CACNA2D3: variants seen among roughly 807,000 people sequenced by gnomAD.
CACNA2D3 encodes the protein calcium voltage-gated channel auxiliary subunit alpha2delta 3.
A neutral mutation model predicts 160.6 loss-of-function variants in CACNA2D3; 60 were observed. The observed-to-expected ratio is 0.37, with a 90% CI of 0.30 to 0.46. The LOEUF (loss-of-function observed/expected upper bound fraction) is 0.46, where lower values mean the gene tolerates loss of function less well. Ranked by LOEUF, CACNA2D3 falls within the 20% of genes least tolerant of loss-of-function variation. The probability of loss-of-function intolerance (pLI) is 1.00; values close to 1 mark genes in which losing one functional copy is unlikely to be tolerated. For missense variants in CACNA2D3, 1,205 were observed against 1,365.0 expected (o/e 0.88, Z 1.85); for synonymous variants, 558 against 492.9 (o/e 1.13, Z -1.75).
intron 2 of CACNA2D3, among the ~76,000 whole-genome samples, chr3:54,246,724 C>CAAAAAAAAAA (rs751213857): frequency 2.0e-4 from 30 of 147,810 alleles, no homozygotes; most frequent in African/African-American, 7.3e-4. Flanking sequence ...AACTCCATCT[C>CAAAAAAAAAA]AAAAAAACAA....
chr3:54,434,878 G>A (rs572948704), intron 4 of CACNA2D3, among the ~76,000 whole-genome samples: 1 of 152,214 alleles, frequency 6.6e-6, no homozygotes, highest in South Asian at 2.1e-4. Context: ...TGTGCTAGGC[G>A]GCCTTATCTT....
At chr3:54,414,261 A>G (rs1575442473) in intron 4 of CACNA2D3, among the ~76,000 whole-genome samples, 1 of 152,076 alleles carries the variant, frequency 6.6e-6, no homozygotes, top group East Asian at 1.9e-4. Context: ...AATGAAAGAG[A>G]AAAATGCATT....
rs140847858 is a variant in CACNA2D3 at position 54,956,521 on chromosome 3, C to T, written c.2450-11929C>T. 3.2e-4 allele frequency among the ~76,000 whole-genome samples: 48 copies of T among 152,282 alleles called. 1 individual carries two copies. The East Asian group carries it at 7.9e-3, about 25-fold the overall frequency. The stretch of plus-strand genomic sequence containing the variant: ...TTAACGTTCTCAGTCTTTTCAAACT[C>T]GTTACCAACCTAGGATTTTGTGCAC... On this transcript the variant is annotated intron_variant, in intron 27 of 37. Coordinates refer to ENST00000474759, the MANE Select transcript of CACNA2D3 (RefSeq NM_018398.3).
intron 4 of CACNA2D3, among the ~76,000 whole-genome samples, chr3:54,475,809 TTGTGTGTGTGTG>T (rs3030044): frequency 7.0e-6 from 1 of 142,726 alleles, no homozygotes; most frequent in Admixed American, 7.1e-5. Context: ...TGGTTACCAT[TTGTGTGTGTGTG>T]TGTGTGTGTG....
chr3:54,468,564 G>A (rs1700670765), intron 4 of CACNA2D3, among the ~76,000 whole-genome samples: 1 of 152,144 alleles, frequency 6.6e-6, no homozygotes, highest in Non-Finnish European at 1.5e-5. Flanking sequence ...CGCCTGGAAT[G>A]CCAGCAAGAC....
intron 5 of CACNA2D3, among the ~76,000 whole-genome samples, chr3:54,539,824 C>G (rs1307807023): frequency 6.6e-6 from 1 of 152,146 alleles, no homozygotes; most frequent in African/African-American, 2.4e-5. Context: ...TGAGATGTGT[C>G]AGAAAGTATT....
At chr3:55,003,791 C>G (rs768369252) in intron 31 of CACNA2D3, among the ~76,000 whole-genome samples, 19 of 152,144 alleles carry the variant, frequency 1.2e-4, no homozygotes, top group Non-Finnish European at 2.4e-4. Flanking sequence ...TTGTAATCTT[C>G]TCTTCTCTGG....
intron 4 of CACNA2D3, among the ~76,000 whole-genome samples, chr3:54,487,015 C>G (rs538453035): frequency 6.6e-6 from 1 of 152,188 alleles, no homozygotes; most frequent in East Asian, 1.9e-4. Flanking sequence ...TTAGTCACCT[C>G]CTTTTCCTCC....
chr3:54,548,765 C>A (rs1575338530), intron 5 of CACNA2D3, among the ~76,000 whole-genome samples: 1 of 152,190 alleles, frequency 6.6e-6, no homozygotes, highest in African/African-American at 2.4e-5. Context: ...GCAGGACTTG[C>A]AAGTGCATCA....
chr3:55,020,822 GC>G (rs1235252670), intron 35 of CACNA2D3, among the ~76,000 whole-genome samples: 1 of 151,232 alleles, frequency 6.6e-6, no homozygotes, highest in East Asian at 1.9e-4. Flanking sequence ...CTGCACTCCA[GC>G]CCGGCAACAG....
Position 54,821,718 on chromosome 3 carries a change from TC to T in CACNA2D3, c.1398+4849del, listed in dbSNP as rs202013933. On this transcript the variant is annotated intron_variant, in intron 14 of 37. Transcript: ENST00000474759. ...TTTCTTTCCTTCCTTCCTTCTTTCC[TC>T]TCTCTCTCTCTCTCTCTTTCTCTCT... Among the ~76,000 whole-genome samples, 398 of 117,390 alleles carry T rather than the reference TC, an allele frequency of 3.4e-3. 2 individuals are homozygous for T. The highest frequency in any genetic ancestry group is 0.012 in the South Asian group (43 of 3,444). 77.0% of individuals were successfully genotyped at this position (117,390 alleles called of 152,430 possible).
At chr3:55,022,644 T>C (rs1559466308) in intron 35 of CACNA2D3, among the ~76,000 whole-genome samples, 1 of 137,758 alleles carries the variant, frequency 7.3e-6, no homozygotes, top group Non-Finnish European at 1.6e-5. Flanking sequence ...CCTTCCCTCC[T>C]TCCTTCCTCT....
intron 13 of CACNA2D3, among the ~76,000 whole-genome samples, chr3:54,772,722 C>T (rs114535862): frequency 2.7e-3 from 408 of 152,228 alleles, no homozygotes; most frequent in Non-Finnish European, 4.4e-3. Context: ...TCATAGGCCT[C>T]TCATATGAAT....
chr3:54,601,271 A>G (rs1254926870), intron 9 of CACNA2D3, among the ~76,000 whole-genome samples: 1 of 152,166 alleles, frequency 6.6e-6, no homozygotes, highest in African/African-American at 2.4e-5. Flanking sequence ...TGGCATGATC[A>G]TAGCTCACTA....
intron 2 of CACNA2D3, among the ~76,000 whole-genome samples, chr3:54,293,613 A>G (rs1703262250): frequency 6.6e-6 from 1 of 152,034 alleles, no homozygotes; most frequent in African/African-American, 2.4e-5. Flanking sequence ...AATACTATTC[A>G]GTAATAAAAA....
intron 8 of CACNA2D3, 78 bp from the exon 9 acceptor site, chr3:54,581,725 G>T: frequency 1.7e-6 from 2 of 1,169,862 alleles, no homozygotes; most frequent in African/African-American, 1.5e-5. Context: ...TTGTTTGTGT[G>T]CGTACCTCCT....
At chr3:54,368,824 C>G (rs1489423537) in intron 3 of CACNA2D3, among the ~76,000 whole-genome samples, 2 of 150,930 alleles carry the variant, frequency 1.3e-5, no homozygotes, top group Non-Finnish European at 2.9e-5. Flanking sequence ...GCCTCAGCCT[C>G]CTGAGTAGCT....
intron 35 of CACNA2D3, among the ~76,000 whole-genome samples, chr3:55,027,032 A>G (rs1703577625): frequency 6.6e-6 from 1 of 152,168 alleles, no homozygotes; most frequent in Admixed American, 6.5e-5. Context: ...CTAACAGAGC[A>G]AACAACTCAC....
intron 2 of CACNA2D3, among the ~76,000 whole-genome samples, chr3:54,131,894 T>C (rs1699716870): frequency 1.3e-5 from 2 of 152,226 alleles, no homozygotes; most frequent in East Asian, 1.9e-4. Flanking sequence ...GTTGGAAATA[T>C]AGGGCAGGTG....
Sources: allele counts gnomAD v4.1 joint callset (sites outside exome capture counted in the v4.1 genomes callset), GRCh38; gene constraint gnomAD v4.1.1; transcripts MANE v1.5; gene names NCBI Gene and HGNC (gene_info 2026-07-23, HGNC 2026-07-21).